Variants in SLCO6A1 observed in about 807,000 individuals in gnomAD.
SLCO6A1 encodes the protein cancer/testis antigen 48.
Under a neutral mutation model 72.7 loss-of-function variants are expected in SLCO6A1, and 65 were observed. The ratio of observed to expected loss-of-function variants is 0.89; its 90% confidence interval spans 0.73 to 1.10. The LOEUF is 1.10. Among genes scored for constraint, SLCO6A1 ranks in the 50% least tolerant of loss-of-function variants. The probability of loss-of-function intolerance (pLI) is 0.00; values close to 1 mark genes in which losing one functional copy is unlikely to be tolerated. For synonymous variants in SLCO6A1, 314 were observed against 298.2 expected (o/e 1.05, Z -0.55); for missense variants, 874 against 872.6 (o/e 1.00, Z -0.02).
intron 8 of SLCO6A1, among the ~76,000 whole-genome samples, chr5:102,415,381 C>A (rs1748226293): frequency 6.6e-6 from 1 of 152,024 alleles, no homozygotes; most frequent in South Asian, 2.1e-4. Flanking sequence ...TGAAATAGAA[C>A]AGAAAACCCA....
At chr5:102,428,043 T>G (rs1749010600) in intron 7 of SLCO6A1, among the ~76,000 whole-genome samples, 1 of 151,158 alleles carries the variant, frequency 6.6e-6, no homozygotes. Flanking sequence ...TACTAATTTT[T>G]GTATTTTTAG....
intron 6 of SLCO6A1, among the ~76,000 whole-genome samples, chr5:102,450,574 A>T (rs1360833795): frequency 1.3e-5 from 2 of 152,166 alleles, no homozygotes; most frequent in African/African-American, 2.4e-5. Flanking sequence ...CTGGCTGCAG[A>T]TCTCAGCTTG....
At chr5:102,463,686 AGACCAGCCT>A (rs1253183718) in intron 4 of SLCO6A1, among the ~76,000 whole-genome samples, 2 of 152,170 alleles carry the variant, frequency 1.3e-5, no homozygotes, top group African/African-American at 4.8e-5. Context: ...CGGGAGTTCA[AGACCAGCCT>A]GACCAAAGTG....
rs565286259 is a variant in SLCO6A1 at position 102,480,223 on chromosome 5, A to G, written c.570T>C (p.Phe190=). The G allele has an allele frequency of 2.4e-5, 39 of 1,612,008 alleles. No individual in the cohort carries two copies. In the African/African-American group the frequency reaches 4.9e-4, roughly 20 times the overall value. Residue 190 remains phenylalanine (F), a synonymous_variant, in exon 2 of 14, where the codon TTT becomes TTC. Coordinates refer to ENST00000506729, the MANE Select transcript of SLCO6A1 (RefSeq NM_173488.5). ...LIGLGSLLCA[F]PSINEENKQS... ...GTTTATTTTCTTCATTAATGGATGG[A>G]AAAGCACATAAAAGTGATCCAAGTC...
chr5:102,457,957 T>C lies in SLCO6A1; in HGVS notation c.1131+425A>G, dbSNP rs556663499. Among the ~76,000 whole-genome samples the C allele has an allele frequency of 4.1e-3, 628 of 152,250 alleles. 9 individuals carry two copies. Among genetic ancestry groups the C allele is most frequent in the African/African-American group, 0.015 (604 of 41,514 alleles). On this transcript the variant is annotated intron_variant, in intron 6 of 13. Transcript: ENST00000506729. ...TGAGTCCATGTCCTTTGTAGGGACATGGATGAAGCTGGAAACCATCATTCT... is the reference window on the plus strand; with the variant it reads ...TGAGTCCATGTCCTTTGTAGGGACACGGATGAAGCTGGAAACCATCATTCT...
chr5:102,397,894 T>A (rs1747185415), intron 10 of SLCO6A1, among the ~76,000 whole-genome samples: 1 of 152,208 alleles, frequency 6.6e-6, no homozygotes, highest in South Asian at 2.1e-4. Flanking sequence ...TTTTATTCTC[T>A]TTATCTCTGT....
chr5:102,383,094 G>GTGTGT, intron 12 of SLCO6A1, among the ~76,000 whole-genome samples: 8,123 of 140,370 alleles, frequency 0.058, 484 homozygotes, highest in African/African-American at 0.13. Context: ...ATATGTGTGT[G>GTGTGT]AATATATATA....
At chr5:102,381,485 A>C (rs1384412006) in intron 12 of SLCO6A1, among the ~76,000 whole-genome samples, 1 of 151,768 alleles carries the variant, frequency 6.6e-6, no homozygotes, top group Non-Finnish European at 1.5e-5. Context: ...GTCAATGAGC[A>C]CCTAGGTTAT....
At chr5:102,409,380 T>C (rs1217433798) in intron 9 of SLCO6A1, among the ~76,000 whole-genome samples, 3 of 152,150 alleles carry the variant, frequency 2.0e-5, no homozygotes, top group Non-Finnish European at 4.4e-5. Context: ...ATACTTGACA[T>C]ATTTTCATTG....
chr5:102,438,706 T>C lies in SLCO6A1; in HGVS notation c.1187A>G (p.Tyr396Cys), dbSNP rs1749678562. The C allele has an allele frequency of 6.3e-7, 1 of 1,598,240 alleles. No individual in the cohort carries two copies. Residue 396 changes from tyrosine (Y) to cysteine (C), a missense_variant, in exon 7 of 14, where the codon TAT becomes TGT. Transcript: ENST00000506729. Reference sequence around the variant, plus strand: ...TTCAGAAGCTCCAATAATAACTAAATATTCTGTAGCTTTTGACAGAGCTAG... The same window carrying C: ...TTCAGAAGCTCCAATAATAACTAAACATTCTGTAGCTTTTGACAGAGCTAG... ...ICLALSKATE[Y>C]LVIIGASEFL...
At chr5:102,488,578 T>C (rs1322045292) in intron 1 of SLCO6A1, among the ~76,000 whole-genome samples, 10 of 152,138 alleles carry the variant, frequency 6.6e-5, no homozygotes, top group Non-Finnish European at 7.4e-5. Flanking sequence ...TTTGAAAGCA[T>C]AAAGAGCTAA....
intron 6 of SLCO6A1, among the ~76,000 whole-genome samples, chr5:102,452,531 T>C (rs1750472646): frequency 1.3e-5 from 2 of 152,148 alleles, no homozygotes; most frequent in Non-Finnish European, 1.5e-5. Context: ...AAATGTTAAA[T>C]ATTTTGTATT....
rs1749680857 is a variant in SLCO6A1, at chr5:102,438,730, A to G, written c.1163T>C (p.Leu388Pro). ...ILMKNPVLICLALSKATEYLV... is the reference protein window; with the variant it reads ...ILMKNPVLICPALSKATEYLV... ...ATATTCTGTAGCTTTTGACAGAGCT[A>G]GGCATATGAGCACTGGATTCTTCAT... Residue 388 changes from leucine to proline, a missense_variant, in exon 7 of 14, where the codon CTA becomes CCA. Coordinates refer to ENST00000506729, the MANE Select transcript of SLCO6A1 (RefSeq NM_173488.5). 1 of 1,578,642 alleles carries G rather than the reference A, an allele frequency of 6.3e-7. No homozygotes were observed. The highest frequency in any genetic ancestry group is 1.4e-5 in the African/African-American group (1 of 73,412).
intron 2 of SLCO6A1, among the ~76,000 whole-genome samples, chr5:102,478,438 A>G (rs1231539483): frequency 6.6e-6 from 1 of 152,206 alleles, no homozygotes; most frequent in Admixed American, 6.5e-5. Context: ...CCTCTTTAAC[A>G]ATCTTTATAT....
intron 4 of SLCO6A1, 84 bp from the exon 5 acceptor site, chr5:102,459,861 G>A (rs1199493292): frequency 1.7e-6 from 2 of 1,173,104 alleles, no homozygotes; most frequent in Non-Finnish European, 2.3e-6. Context: ...TGGAGAAAGT[G>A]AGAGTGAGAG....
chr5:102,405,922 G>T (rs1174120005), intron 9 of SLCO6A1, among the ~76,000 whole-genome samples: 1 of 151,930 alleles, frequency 6.6e-6, no homozygotes, highest in Non-Finnish European at 1.5e-5. Flanking sequence ...TATATGGTGA[G>T]TTTTATACCT....
At chr5:102,442,490 A>G (rs1749887976) in intron 6 of SLCO6A1, among the ~76,000 whole-genome samples, 1 of 152,246 alleles carries the variant, frequency 6.6e-6, no homozygotes, top group African/African-American at 2.4e-5. Context: ...TCCAGTAAAA[A>G]TAAACATTAA....
At chr5:102,376,282 T>C (rs1745788374) in intron 12 of SLCO6A1, among the ~76,000 whole-genome samples, 1 of 152,126 alleles carries the variant, frequency 6.6e-6, no homozygotes, top group Non-Finnish European at 1.5e-5. Flanking sequence ...CTAAAAAAGA[T>C]GTTCTTCAGG....
chr5:102,435,371 AT>A lies in SLCO6A1; in HGVS notation c.1276+3245del, dbSNP rs1749470798. Among the ~76,000 whole-genome samples the A allele has an allele frequency of 3.3e-5, 5 of 152,262 alleles. No homozygotes were observed. The South Asian group carries it at 1.0e-3, about 32-fold the overall frequency. On this transcript the variant is annotated intron_variant, in intron 7 of 13. Coordinates refer to ENST00000506729, the MANE Select transcript of SLCO6A1 (RefSeq NM_173488.5). ...ATAATTAGTATTTATATTCTATAAT[AT>A]TATACTATGACTGCTGTTAAACTCC...
Sources: gnomAD v4.1 joint callset for allele counts (sites outside exome capture counted in the v4.1 genomes callset) on GRCh38, gnomAD v4.1.1 for gene constraint, MANE v1.5 for transcripts, NCBI Gene and HGNC (gene_info 2026-07-23, HGNC 2026-07-21) for gene names.